Variants in RAB31 observed in about 807,000 individuals in gnomAD.
RAB31 encodes the protein RAB31, member RAS oncogene family, also known as ras-related protein Rab-31.
In RAB31, 21 loss-of-function variants were observed where a neutral mutation model predicts 25.6. The ratio of observed to expected loss-of-function variants is 0.82; its 90% confidence interval spans 0.58 to 1.18. RAB31 has a LOEUF of 1.18. Ranked by LOEUF, RAB31 falls within the 50% of genes most tolerant of loss-of-function variation. The pLI, the probability that RAB31 is intolerant of heterozygous loss-of-function variation, is 0.00. For missense variants in RAB31, 196 were observed against 250.1 expected, an observed-to-expected ratio of 0.78 and a Z score of 1.46; for synonymous variants, 87 against 84.0, an observed-to-expected ratio of 1.04 and a Z score of -0.20.
chr18:9,777,624 TAAA>T (rs2068379077), intron 2 of RAB31, among the ~76,000 whole-genome samples: 1 of 152,082 alleles, frequency 6.6e-6, no homozygotes, highest in African/African-American at 2.4e-5. Flanking sequence ...GTTTTAATAA[TAAA>T]AAGCAGAACT....
chr18:9,799,631 G>A (rs2068503908), intron 3 of RAB31, among the ~76,000 whole-genome samples: 1 of 152,000 alleles, frequency 6.6e-6, no homozygotes, highest in South Asian at 2.1e-4. Context: ...AGAGTAGCTG[G>A]GACTACAGGT....
intron 2 of RAB31, among the ~76,000 whole-genome samples, 199 bp downstream of exon 2, chr18:9,775,556 T>C (rs2068368188): frequency 6.6e-6 from 1 of 151,468 alleles, no homozygotes; most frequent in South Asian, 2.1e-4. Context: ...GGTCATTTTT[T>C]TTTTCCTAGT....
At chr18:9,726,197 C>T (rs1199105468) in intron 1 of RAB31, 3 of 152,220 alleles carry the variant, frequency 2.0e-5, no homozygotes, top group Admixed American at 6.5e-5. Flanking sequence ...TCATAGGATA[C>T]TTTTTAAGCA....
chr18:9,846,503 G>A (rs1014867941), intron 6 of RAB31, among the ~76,000 whole-genome samples: 2 of 152,220 alleles, frequency 1.3e-5, no homozygotes, highest in African/African-American at 4.8e-5. Flanking sequence ...GACGTTGGGA[G>A]AAGTACAGGT....
chr18:9,759,218 C>G (rs2068275129), intron 1 of RAB31, among the ~76,000 whole-genome samples: 1 of 152,100 alleles, frequency 6.6e-6, no homozygotes, highest in Admixed American at 6.6e-5. Context: ...GAGACAAGGT[C>G]TTGCTCTGTC....
intron 3 of RAB31, among the ~76,000 whole-genome samples, chr18:9,813,211 G>A (rs539505332): frequency 1.6e-4 from 24 of 152,250 alleles, no homozygotes; most frequent in South Asian, 6.2e-4. Flanking sequence ...GTGAAGCCCC[G>A]CGTTGGAGAG....
chr18:9,718,787 G>C (rs887067643), intron 1 of RAB31, among the ~76,000 whole-genome samples: 2 of 152,012 alleles, frequency 1.3e-5, no homozygotes, highest in South Asian at 2.1e-4. Flanking sequence ...CTTCCCATTG[G>C]GTAAGGGAGC....
intron 3 of RAB31, among the ~76,000 whole-genome samples, chr18:9,798,907 G>A (rs2068500195): frequency 6.6e-6 from 1 of 152,136 alleles, no homozygotes; most frequent in Non-Finnish European, 1.5e-5. Flanking sequence ...GGCCAACATG[G>A]TGAAACCCCG....
At chr18:9,710,991 A>C (rs1429779845) in intron 1 of RAB31, among the ~76,000 whole-genome samples, 1 of 151,948 alleles carries the variant, frequency 6.6e-6, no homozygotes, top group East Asian at 1.9e-4. Context: ...GAAAGACCAA[A>C]TGACCTTGTT....
In RAB31 at chr18:9,802,063, T is replaced by C. The variant is rs554128621; in HGVS notation, c.201+9828T>C. On this transcript the variant is annotated intron_variant, in intron 3 of 6. Coordinates refer to ENST00000578921, the MANE Select transcript of RAB31 (RefSeq NM_006868.4). ...TTTTCTCCTTATGCCAATACCACAT[T>C]GTCTTGATTACTGTAGCTTTGTAGT... Among the ~76,000 whole-genome samples the C allele has an allele frequency of 7.9e-5, 12 of 152,354 alleles. 1 individual carries two copies. In the East Asian group the frequency reaches 2.3e-3, roughly 29 times the overall value.
At chr18:9,737,283 A>C (rs1318314589) in intron 1 of RAB31, among the ~76,000 whole-genome samples, 1 of 152,180 alleles carries the variant, frequency 6.6e-6, no homozygotes, top group Non-Finnish European at 1.5e-5. Context: ...CACCCCAGCC[A>C]TGCCTCTGTA....
rs756366787 is a variant in RAB31, at chr18:9,713,883, G to C, written c.39+5439G>C. 2.6e-5 allele frequency among the ~76,000 whole-genome samples: 4 copies of C among 152,078 alleles called. No individual in the cohort carries two copies. The East Asian group carries it at 7.7e-4, about 29-fold the overall frequency. On this transcript the variant is annotated intron_variant, in intron 1 of 6. Transcript: ENST00000578921. Reference sequence around the variant, plus strand: ...ACTTCACATGACTGAGAGAGTGCTCGGTCTCTTTCTCTTCTTATAAGGACG... The same window carrying C: ...ACTTCACATGACTGAGAGAGTGCTCCGTCTCTTTCTCTTCTTATAAGGACG...
Position 9,733,962 on chromosome 18 carries a change from A to G in RAB31, c.39+25518A>G, listed in dbSNP as rs756258591. 5.3e-5 allele frequency among the ~76,000 whole-genome samples: 8 copies of G among 151,954 alleles called. No individual in the cohort carries two copies. The South Asian group carries it at 6.3e-4, about 12-fold the overall frequency. The stretch of plus-strand genomic sequence containing the variant: ...GCTGGCATGGGTCAAATTCCTCCCA[A>G]CTGAAAAGAGGGGAGTATCTATTAA... On this transcript the variant is annotated intron_variant, in intron 1 of 6. Coordinates refer to ENST00000578921, the MANE Select transcript of RAB31 (RefSeq NM_006868.4).
intron 1 of RAB31, among the ~76,000 whole-genome samples, chr18:9,758,371 G>A (rs991907985): frequency 2.0e-5 from 3 of 151,962 alleles, no homozygotes; most frequent in Non-Finnish European, 4.4e-5. Context: ...CCTCCTGGGG[G>A]GAAAAGCCCC....
At chr18:9,857,260 A>G (rs62078777) in intron 6 of RAB31, among the ~76,000 whole-genome samples, 1 of 139,962 alleles carries the variant, frequency 7.1e-6, no homozygotes, top group Non-Finnish European at 1.6e-5. Flanking sequence ...GTGACTGTCT[A>G]TACCATCTGA....
intron 2 of RAB31, among the ~76,000 whole-genome samples, chr18:9,783,490 G>C (rs1000706268): frequency 2.0e-5 from 3 of 152,144 alleles, no homozygotes; most frequent in African/African-American, 4.8e-5. Flanking sequence ...GGGTAGTAGG[G>C]TTGCTGTATT....
intron 1 of RAB31, among the ~76,000 whole-genome samples, chr18:9,759,404 C>T (rs1004544380): frequency 1.3e-5 from 2 of 151,908 alleles, no homozygotes; most frequent in African/African-American, 4.8e-5. Context: ...CTCCTGGCTT[C>T]AAGTAAACCT....
At chr18:9,710,660 C>T (rs1234266343) in intron 1 of RAB31, among the ~76,000 whole-genome samples, 1 of 152,036 alleles carries the variant, frequency 6.6e-6, no homozygotes, top group Non-Finnish European at 1.5e-5. Flanking sequence ...CAAGACCAGC[C>T]TGGCCAACAT....
rs77138692 is a variant in RAB31 at position 9,783,396 on chromosome 18, A to T, written c.119+8039A>T. On this transcript the variant is annotated intron_variant, in intron 2 of 6. Coordinates refer to ENST00000578921, the MANE Select transcript of RAB31 (RefSeq NM_006868.4). ...TTCCCCCCCCTTACCTGCACTGTGG[A>T]GGGGTTGGACTGGATATTTTATATT... Among the ~76,000 whole-genome samples, 1,384 of 152,072 alleles carry T rather than the reference A, an allele frequency of 9.1e-3. 61 individuals are homozygous for T. The East Asian group carries it at 0.12, about 13-fold the overall frequency.
Sources: allele counts gnomAD v4.1 joint callset (sites outside exome capture counted in the v4.1 genomes callset), GRCh38; gene constraint gnomAD v4.1.1; transcripts MANE v1.5; gene names NCBI Gene and HGNC (gene_info 2026-07-23, HGNC 2026-07-21).